DOCK9: variants seen among roughly 807,000 people sequenced by gnomAD.
The protein encoded by DOCK9 is dedicator of cytokinesis protein 9.
Under a neutral mutation model 263.3 loss-of-function variants are expected in DOCK9, and 89 were observed. The ratio of observed to expected loss-of-function variants is 0.34; its 90% CI spans 0.28 to 0.40. The LOEUF (loss-of-function observed/expected upper bound fraction) is 0.40, where lower values mean the gene tolerates loss of function less well. DOCK9 is among the 10% of genes least tolerant of loss of function. DOCK9 has a pLI of 1.00. For missense variants in DOCK9, 2,140 were observed against 2,603.4 expected (o/e 0.82, Z 3.87); for synonymous variants, 976 against 973.1 (o/e 1.00, Z -0.06).
chr13:98,876,420 G>T (rs1399250099), intron 27 of DOCK9, among the ~76,000 whole-genome samples: 1 of 152,212 alleles, frequency 6.6e-6, no homozygotes, highest in African/African-American at 2.4e-5. Flanking sequence ...GAACCCAGGA[G>T]GTGGAGGTCG....
At chr13:99,067,794 T>C (rs910852211) in intron 1 of DOCK9, among the ~76,000 whole-genome samples, 1 of 150,660 alleles carries the variant, frequency 6.6e-6, no homozygotes, top group African/African-American at 2.5e-5. Flanking sequence ...GATGGAGAGG[T>C]AGGGCTGCTT....
At chr13:98,938,958 C>T (rs1257094746) in intron 2 of DOCK9, among the ~76,000 whole-genome samples, 1 of 152,218 alleles carries the variant, frequency 6.6e-6, no homozygotes, top group Non-Finnish European at 1.5e-5. Flanking sequence ...AAAGTGTCTC[C>T]ACATCTCTGC....
At chr13:99,065,325 A>G (rs914867928) in intron 1 of DOCK9, among the ~76,000 whole-genome samples, 1 of 152,118 alleles carries the variant, frequency 6.6e-6, no homozygotes, top group Non-Finnish European at 1.5e-5. Context: ...CTCCTGAGTA[A>G]CACCTCAACC....
intron 1 of DOCK9, among the ~76,000 whole-genome samples, chr13:98,984,918 T>C (rs950819993): frequency 6.6e-6 from 1 of 152,090 alleles, no homozygotes; most frequent in Non-Finnish European, 1.5e-5. Flanking sequence ...ACCTACTATA[T>C]ACAAAAGAAA....
chr13:98,822,804 G>C (rs192715699), intron 45 of DOCK9, among the ~76,000 whole-genome samples: 3 of 151,530 alleles, frequency 2.0e-5, no homozygotes, highest in Admixed American at 2.0e-4. Context: ...AACTTTATTG[G>C]GGTTTAAATT....
At chr13:98,935,446 T>G (rs1213085022) in intron 2 of DOCK9, among the ~76,000 whole-genome samples, 1 of 152,172 alleles carries the variant, frequency 6.6e-6, no homozygotes, top group Non-Finnish European at 1.5e-5. Context: ...GCTGGAGGAA[T>G]TCTGTCAGTG....
intron 1 of DOCK9, among the ~76,000 whole-genome samples, chr13:98,958,771 C>A (rs1245549685): frequency 6.6e-6 from 1 of 152,140 alleles, no homozygotes; most frequent in African/African-American, 2.4e-5. Context: ...TTTCCTGTCT[C>A]TGGACATATA....
chr13:98,969,045 G>C (rs544237190), intron 1 of DOCK9, among the ~76,000 whole-genome samples: 1 of 152,206 alleles, frequency 6.6e-6, no homozygotes, highest in Non-Finnish European at 1.5e-5. Context: ...TAGGGTTTCA[G>C]GTACGGCTGC....
chr13:98,977,751 G>C, intron 1 of DOCK9, 33 bp downstream of exon 1: 1 of 1,606,642 alleles, frequency 6.2e-7, no homozygotes, highest in Non-Finnish European at 8.5e-7. Context: ...GCATTGGGTA[G>C]ACACAGCAAC....
chr13:98,931,245 A>C (rs931753073), intron 2 of DOCK9, among the ~76,000 whole-genome samples: 2 of 152,146 alleles, frequency 1.3e-5, no homozygotes, highest in Non-Finnish European at 2.9e-5. Flanking sequence ...TGTCTACCTC[A>C]ATAACTAGGC....
At chr13:98,989,502 T>C (rs1284124942) in intron 1 of DOCK9, among the ~76,000 whole-genome samples, 3 of 152,072 alleles carry the variant, frequency 2.0e-5, no homozygotes, top group Non-Finnish European at 2.9e-5. Context: ...TACCCACCCA[T>C]GTTTCGGAAT....
Position 98,824,013 on chromosome 13 carries a change from C to G in DOCK9, c.5130+385G>C, listed in dbSNP as rs149085064. ...CTTTGAGTTTGCCCTGGGGATATGACTGGTGCTGGAGACATTAATTTAAAA... is the reference window on the plus strand; with the variant it reads ...CTTTGAGTTTGCCCTGGGGATATGAGTGGTGCTGGAGACATTAATTTAAAA... On this transcript the variant is annotated intron_variant, in intron 45 of 52. Transcript: ENST00000682017. 1.4e-4 allele frequency among the ~76,000 whole-genome samples: 21 copies of G among 152,312 alleles called. No homozygotes were observed. In the East Asian group the frequency reaches 3.5e-3, roughly 25 times the overall value.
intron 2 of DOCK9, among the ~76,000 whole-genome samples, chr13:98,942,556 T>C (rs1414715403): frequency 6.6e-6 from 1 of 152,216 alleles, no homozygotes; most frequent in East Asian, 1.9e-4. Context: ...TTCTTTAGAA[T>C]TCTATTTTAG....
intron 1 of DOCK9, among the ~76,000 whole-genome samples, chr13:99,007,707 T>C (rs1324828193): frequency 6.6e-6 from 1 of 152,200 alleles, no homozygotes; most frequent in African/African-American, 2.4e-5. Flanking sequence ...GAGGCAAAAT[T>C]AGTGCTAATT....
At chr13:98,861,208 T>A (rs1210438947) in intron 32 of DOCK9, among the ~76,000 whole-genome samples, 2 of 152,164 alleles carry the variant, frequency 1.3e-5, no homozygotes, top group Non-Finnish European at 2.9e-5. Flanking sequence ...GTTCATGCCC[T>A]TTAGAGCAGC....
Position 98,824,407 on chromosome 13 carries a change from A to G in DOCK9, c.5121T>C (p.His1707=). The change falls in exon 45 of 53, where the codon CAT becomes CAC. Residue 1707 remains histidine (H), a synonymous_variant. Coordinates refer to ENST00000682017, the MANE Select transcript of DOCK9 (RefSeq NM_001366683.2). ...MMEDVGMQDV[H]FNEDVLMELL... ...GAGTTCAAGCACGCACCTCGTTGAA[A>G]TGGACATCCTGCATCCCCACGTCTT... is the stretch of plus-strand genomic sequence containing the variant. The G allele has an allele frequency of 1.2e-6, 2 of 1,613,870 alleles. No individual in the cohort carries two copies. The highest frequency in any genetic ancestry group is 2.2e-5 in the South Asian group (2 of 91,080).
At chr13:98,844,661 T>A (rs2093336489) in intron 38 of DOCK9, among the ~76,000 whole-genome samples, 1 of 152,232 alleles carries the variant, frequency 6.6e-6, no homozygotes, top group Non-Finnish European at 1.5e-5. Flanking sequence ...ATTACAGGCA[T>A]GAGCCACCAT....
chr13:98,996,603 A>G (rs914777179), intron 1 of DOCK9, among the ~76,000 whole-genome samples: 2 of 152,254 alleles, frequency 1.3e-5, no homozygotes, highest in Non-Finnish European at 2.9e-5. Flanking sequence ...CCAGGGCCAT[A>G]TGTGGCCCAG....
chr13:99,062,164 G>A lies in DOCK9; in HGVS notation c.129+24059C>T, dbSNP rs534286958. 5.3e-5 allele frequency among the ~76,000 whole-genome samples: 8 copies of A among 152,222 alleles called. No homozygotes were observed. In the South Asian group the frequency reaches 1.5e-3, roughly 28 times the overall value. On this transcript the variant is annotated intron_variant, in intron 1 of 32. Transcript: ENST00000427887. ...TGGAATTGCAGGCATGAGCCACCATGCCCATCCCTAGTTCATTGTAAAATG... is the reference window on the plus strand; with the variant it reads ...TGGAATTGCAGGCATGAGCCACCATACCCATCCCTAGTTCATTGTAAAATG...
Sources: allele counts gnomAD v4.1 joint callset (sites outside exome capture counted in the v4.1 genomes callset), GRCh38; gene constraint gnomAD v4.1.1; transcripts MANE v1.5; gene names NCBI Gene and HGNC (gene_info 2026-07-23, HGNC 2026-07-21).